Variants in DGKB observed in about 807,000 individuals in gnomAD.
DGKB encodes the protein 90 kDa diacylglycerol kinase.
DGKB carries 67 observed loss-of-function variants against 114.3 expected under a neutral mutation model. That is an observed-to-expected ratio of 0.59 (90% confidence interval 0.48 to 0.72). The LOEUF is 0.72. Ranked by LOEUF, DGKB falls within the 30% of genes least tolerant of loss-of-function variation. The pLI is 0.00. For missense variants in DGKB, 907 were observed against 975.2 expected, an observed-to-expected ratio of 0.93 and a Z score of 0.93; for synonymous variants, 398 against 323.1, an observed-to-expected ratio of 1.23 and a Z score of -2.49.
At chr7:14,842,237 G>T (rs543555972) in intron 1 of DGKB, among the ~76,000 whole-genome samples, 1 of 152,180 alleles carries the variant, frequency 6.6e-6, no homozygotes, top group East Asian at 1.9e-4. Context: ...TTATACAGAT[G>T]TCATTACTTA....
chr7:14,853,479 T>G (rs2128164396), intron 1 of DGKB, among the ~76,000 whole-genome samples: 1 of 151,936 alleles, frequency 6.6e-6, no homozygotes, highest in South Asian at 2.1e-4. Flanking sequence ...GTGTGCTTTG[T>G]TTAAAAATTA....
At position 14,649,806 on chromosome 7, in the gene DGKB, C is replaced by G. The variant is rs1029741741; in HGVS notation, c.1135-19538G>C. Among the ~76,000 whole-genome samples the G allele has an allele frequency of 5.1e-4, 72 of 140,832 alleles. 2 individuals carry two copies. Among genetic ancestry groups the G allele is most frequent in the Non-Finnish European group, 1.1e-4 (7 of 65,824 alleles). 92.4% of individuals were successfully genotyped at this position (140,832 alleles called of 152,430 possible). The stretch of plus-strand genomic sequence containing the variant: ...AAATAAAAGGATGGAGGAAGATCTA[C>G]CAAGCAAATGGAAAACAAAAAAAGG... On this transcript the variant is annotated intron_variant, in intron 13 of 25. Transcript: ENST00000402815.
At chr7:14,811,153 C>T (rs1347735948) in intron 2 of DGKB, among the ~76,000 whole-genome samples, 1 of 152,142 alleles carries the variant, frequency 6.6e-6, no homozygotes, top group East Asian at 1.9e-4. Context: ...GAATAGATCT[C>T]GCTGAAATAC....
At chr7:14,652,841 A>G (rs1227431314) in intron 13 of DGKB, among the ~76,000 whole-genome samples, 4 of 152,244 alleles carry the variant, frequency 2.6e-5, no homozygotes, top group African/African-American at 2.4e-5. Context: ...AAAGTGGGCA[A>G]AGTATATGAA....
chr7:14,365,060 G>GT (rs1236880749), intron 21 of DGKB, among the ~76,000 whole-genome samples: 2 of 151,474 alleles, frequency 1.3e-5, no homozygotes, highest in Non-Finnish European at 1.5e-5. Flanking sequence ...ATCACTTATG[G>GT]TTTTTTACGT....
intron 5 of DGKB, among the ~76,000 whole-genome samples, chr7:14,723,137 C>T (rs544177930): frequency 6.6e-6 from 1 of 151,874 alleles, no homozygotes; most frequent in Admixed American, 6.6e-5. Flanking sequence ...GAAGTTTGCA[C>T]TAATCTAATG....
At chr7:14,632,245 A>G (rs1403267683) in intron 13 of DGKB, among the ~76,000 whole-genome samples, 1 of 151,962 alleles carries the variant, frequency 6.6e-6, no homozygotes, top group Admixed American at 6.6e-5. Flanking sequence ...GACTGATATT[A>G]TGGAATCATT....
At chr7:14,593,748 C>A (rs529648651) in intron 17 of DGKB, among the ~76,000 whole-genome samples, 21 of 151,606 alleles carry the variant, frequency 1.4e-4, no homozygotes, top group African/African-American at 4.8e-4. Context: ...CCCCAACAGA[C>A]CAGAACAAAC....
chr7:14,211,361 A>ACTCTCATGTTTTGTGAT (rs1787820412), intron 23 of DGKB, among the ~76,000 whole-genome samples: 1 of 62,444 alleles, frequency 1.6e-5, no homozygotes, highest in Non-Finnish European at 2.9e-5. Flanking sequence ...GTTTTGTGAT[A>ACTCTCATGTTTTGTGAT]TTTACTCTCG....
At chr7:14,338,217 A>G (rs1312956545) in intron 23 of DGKB, among the ~76,000 whole-genome samples, 1 of 152,132 alleles carries the variant, frequency 6.6e-6, no homozygotes, top group African/African-American at 2.4e-5. Flanking sequence ...ATCACGTTTC[A>G]GAAGAGCTTA....
intron 25 of DGKB, among the ~76,000 whole-genome samples, chr7:14,170,191 A>G (rs940283548): frequency 4.1e-5 from 6 of 145,062 alleles, no homozygotes; most frequent in African/African-American, 1.3e-4. Context: ...GAAAGAAAGA[A>G]AGAAAGAAAG....
chr7:14,576,041 C>T (rs1799072315), intron 19 of DGKB, among the ~76,000 whole-genome samples: 1 of 152,150 alleles, frequency 6.6e-6, no homozygotes, highest in Non-Finnish European at 1.5e-5. Context: ...AAAGTAATTA[C>T]TCGCTACTTA....
Position 14,958,037 on chromosome 7 carries a change from T to C in DGKB, c.-188+16659A>G, listed in dbSNP as rs577468104. Among the ~76,000 whole-genome samples, 6 of 152,230 alleles carry C rather than the reference T, an allele frequency of 3.9e-5. No homozygotes were observed. In the East Asian group the frequency reaches 1.2e-3, roughly 29 times the overall value. On this transcript the variant is annotated intron_variant, in intron 1 of 4. Transcript: ENST00000437998. ...AATCAGTTTAGGGTAGAATCTGTTA[T>C]ATCTTATATGTACAATTTAAATGCA... is the stretch of plus-strand genomic sequence containing the variant.
At chr7:14,907,928 C>A (rs112940697), upstream of DGKB, among the ~76,000 whole-genome samples, 1,072 of 152,292 alleles carry the variant, frequency 7.0e-3, 18 homozygotes, top group African/African-American at 0.025. Context: ...AATTAAGGAA[C>A]CACAGAAAAT....
At chr7:14,442,864 T>A (rs1013594210) in intron 21 of DGKB, among the ~76,000 whole-genome samples, 2 of 152,110 alleles carry the variant, frequency 1.3e-5, no homozygotes, top group African/African-American at 4.8e-5. Context: ...TATGATTTTT[T>A]AAATCTATAA....
intron 20 of DGKB, among the ~76,000 whole-genome samples, chr7:14,553,572 A>G (rs949899358): frequency 3.3e-5 from 5 of 152,198 alleles, no homozygotes; most frequent in African/African-American, 1.2e-4. Flanking sequence ...TCCAATCGCA[A>G]ATCATTATTA....
At chr7:14,935,080 G>A (rs1469281713) in intron 1 of DGKB, among the ~76,000 whole-genome samples, 3 of 152,146 alleles carry the variant, frequency 2.0e-5, no homozygotes, top group Non-Finnish European at 2.9e-5. Flanking sequence ...AATATCAGCT[G>A]ACAAATCGTG....
intron 21 of DGKB, among the ~76,000 whole-genome samples, chr7:14,424,366 T>A (rs1391065530): frequency 2.0e-5 from 3 of 151,978 alleles, no homozygotes; most frequent in African/African-American, 2.4e-5. Flanking sequence ...TTCAAAATAT[T>A]CTTCCTCCAG....
chr7:14,234,700 C>T (rs531127684), intron 23 of DGKB, among the ~76,000 whole-genome samples: 3 of 151,960 alleles, frequency 2.0e-5, no homozygotes, highest in Non-Finnish European at 4.4e-5. Flanking sequence ...TACTTTATTT[C>T]GATGCTTTTC....
Sources: gnomAD v4.1 joint callset for allele counts (sites outside exome capture counted in the v4.1 genomes callset) on GRCh38, gnomAD v4.1.1 for gene constraint, MANE v1.5 for transcripts, NCBI Gene and HGNC (gene_info 2026-07-23, HGNC 2026-07-21) for gene names.